Variants in ATG10 observed in about 807,000 individuals in gnomAD.
ATG10 encodes autophagy related 10.
Under a neutral mutation model 32.1 loss-of-function variants are expected in ATG10, and 30 were observed. The observed-to-expected ratio is 0.94, with a 90% CI of 0.70 to 1.27. The LOEUF is 1.27. Ranked by LOEUF, ATG10 falls within the 50% of genes most tolerant of loss-of-function variation. The probability of loss-of-function intolerance (pLI) is 0.00; values close to 1 mark genes in which losing one functional copy is unlikely to be tolerated. For synonymous variants in ATG10, 87 were observed against 91.5 expected, an observed-to-expected ratio of 0.95 and a Z score of 0.28; for missense variants, 233 against 262.3, an observed-to-expected ratio of 0.89 and a Z score of 0.77.
At chr5:81,997,058 AC>A (rs1761686872) in intron 2 of ATG10, among the ~76,000 whole-genome samples, 1 of 151,732 alleles carries the variant, frequency 6.6e-6, no homozygotes, top group East Asian at 1.9e-4. Context: ...CAGTGACCCT[AC>A]CCCCTCACCC....
In ATG10 at chr5:82,254,802, T is replaced by C. The variant is rs1581854958; in HGVS notation, c.*739T>C. ...TTACCTGTCCCTGAAACTGGTGTTA[T>C]AAACATGACCTATCTTAAGTGATTT... On this transcript the variant is annotated 3_prime_UTR_variant, in exon 8 of 8. Transcript: ENST00000282185. The C allele has an allele frequency of 6.6e-6, 1 of 152,070 alleles. No individual in the cohort carries two copies. The highest frequency in any genetic ancestry group is 2.1e-4 in the South Asian group (1 of 4,814). The allele number at this position is 152,070 out of a possible 1,614,324, so 9.4% of individuals were successfully genotyped here.
At chr5:81,975,339 GT>G (rs1760838710) in intron 1 of ATG10, among the ~76,000 whole-genome samples, 1 of 152,016 alleles carries the variant, frequency 6.6e-6, no homozygotes. Flanking sequence ...AAAATATTTG[GT>G]TACAAACTAT....
At chr5:82,248,359 T>G (rs1252262207) in intron 5 of ATG10, among the ~76,000 whole-genome samples, 1 of 152,232 alleles carries the variant, frequency 6.6e-6, no homozygotes, top group East Asian at 1.9e-4. Context: ...AGCTATCTGT[T>G]GGAAATCAGG....
At chr5:82,243,054 G>C (rs969570739) in intron 5 of ATG10, among the ~76,000 whole-genome samples, 1 of 151,974 alleles carries the variant, frequency 6.6e-6, no homozygotes, top group Non-Finnish European at 1.5e-5. Flanking sequence ...TGAATTGTTT[G>C]GGAAAAAGAT....
chr5:82,205,637 A>C (rs977446995), intron 5 of ATG10, among the ~76,000 whole-genome samples: 1 of 152,254 alleles, frequency 6.6e-6, no homozygotes, highest in African/African-American at 2.4e-5. Flanking sequence ...GAAATTGGAC[A>C]TGTGAAATCT....
chr5:82,158,063 A>G (rs1026274573), intron 3 of ATG10, among the ~76,000 whole-genome samples: 1 of 152,232 alleles, frequency 6.6e-6, no homozygotes, highest in Admixed American at 6.5e-5. Flanking sequence ...TTTCAATAAA[A>G]TAGCTGTGAA....
intron 2 of ATG10, chr5:81,992,198 C>T (rs1171614018): frequency 6.6e-6 from 1 of 152,062 alleles, no homozygotes; most frequent in Non-Finnish European, 1.5e-5. Context: ...CTATGTTGCC[C>T]AGGCTGGTCT....
chr5:82,223,517 T>G (rs1746006663), intron 5 of ATG10, among the ~76,000 whole-genome samples: 1 of 152,166 alleles, frequency 6.6e-6, no homozygotes, highest in African/African-American at 2.4e-5. Flanking sequence ...GGTGGCATCA[T>G]CTTTTGCAAT....
chr5:81,993,292 TCTTTCTTTC>T (rs141696466), intron 2 of ATG10, among the ~76,000 whole-genome samples: 4,033 of 125,672 alleles, frequency 0.032, 559 homozygotes, highest in East Asian at 0.086. Flanking sequence ...TTTCTTTCCT[TCTTTCTTTC>T]CTTTCTTTCC....
chr5:82,127,596 G>C (rs1397829106), intron 3 of ATG10, among the ~76,000 whole-genome samples: 1 of 152,134 alleles, frequency 6.6e-6, no homozygotes, highest in Non-Finnish European at 1.5e-5. Flanking sequence ...GTGCGGTTTT[G>C]AGTGAGTTTC....
intron 3 of ATG10, among the ~76,000 whole-genome samples, chr5:82,143,975 G>C (rs1350324180): frequency 6.6e-6 from 1 of 152,142 alleles, no homozygotes. Context: ...AGCTTCCTTT[G>C]TGAGAAGGTT....
chr5:82,035,773 T>G (rs951234062), intron 2 of ATG10, among the ~76,000 whole-genome samples: 7 of 148,160 alleles, frequency 4.7e-5, no homozygotes, highest in Non-Finnish European at 1.0e-4. Flanking sequence ...TAAAAATATA[T>G]AATCCTATAT....
chr5:82,139,974 T>C (rs1455745659), intron 3 of ATG10, among the ~76,000 whole-genome samples: 2 of 120,242 alleles, frequency 1.7e-5, no homozygotes, highest in African/African-American at 6.4e-5. Flanking sequence ...AGCCGCCCCG[T>C]CAGGGAGGTG....
At chr5:82,065,440 C>T (rs1306513800) in intron 3 of ATG10, among the ~76,000 whole-genome samples, 1 of 151,664 alleles carries the variant, frequency 6.6e-6, no homozygotes, top group African/African-American at 2.4e-5. Context: ...CGAGATTGCA[C>T]CACTGCACTC....
chr5:82,253,035 T>C (rs1747326974), intron 6 of ATG10, among the ~76,000 whole-genome samples: 1 of 152,182 alleles, frequency 6.6e-6, no homozygotes, highest in Non-Finnish European at 1.5e-5. Flanking sequence ...TGCTGTAAAC[T>C]GTAAGGGTAA....
At chr5:82,232,424 C>A (rs1482355352) in intron 5 of ATG10, among the ~76,000 whole-genome samples, 1 of 152,188 alleles carries the variant, frequency 6.6e-6, no homozygotes, top group Non-Finnish European at 1.5e-5. Context: ...TAAGTCTTGG[C>A]TCAATCATTT....
chr5:82,164,482 CTT>C lies in ATG10; in HGVS notation c.301_302del (p.Leu101IlefsTer4). On this transcript the variant is annotated frameshift_variant, in exon 4 of 8. Transcript: ENST00000282185. LOFTEE classifies it high-confidence loss of function. ...AAGTGATTAAATATGAGTATCATGT[CTT>C]ATATTCCTGTAGCTACCAAGTGCCT... is the stretch of plus-strand genomic sequence containing the variant. ...SEVIKYEYHV[L>X]YSCSYQVPVL... 6.2e-7 allele frequency: 1 copy of C among 1,613,480 alleles called. No homozygotes were observed. The highest frequency in any genetic ancestry group is 8.5e-7 in the Non-Finnish European group (1 of 1,179,486).
chr5:82,148,750 C>T (rs1767464828), intron 3 of ATG10, among the ~76,000 whole-genome samples: 1 of 152,148 alleles, frequency 6.6e-6, no homozygotes, highest in South Asian at 2.1e-4. Context: ...AAACATCTAT[C>T]CAAATTGCCT....
intron 3 of ATG10, among the ~76,000 whole-genome samples, chr5:82,108,392 A>G (rs146078626): frequency 6.7e-4 from 102 of 152,066 alleles, no homozygotes; most frequent in Middle Eastern, 6.8e-3. Flanking sequence ...GTGCATATAT[A>G]TACACACAGT....
Sources: allele counts gnomAD v4.1 joint callset (sites outside exome capture counted in the v4.1 genomes callset), GRCh38; gene constraint gnomAD v4.1.1; transcripts MANE v1.5; gene names NCBI Gene and HGNC (gene_info 2026-07-23, HGNC 2026-07-21).